Variants in GALNTL6 observed in about 807,000 individuals in gnomAD.
The protein encoded by GALNTL6 is polypeptide N-acetylgalactosaminyltransferase-like 6.
Under a neutral mutation model 73.7 loss-of-function variants are expected in GALNTL6, and 46 were observed. That is an observed-to-expected ratio of 0.62 (90% CI 0.49 to 0.80). The LOEUF (loss-of-function observed/expected upper bound fraction) is 0.80, where lower values mean the gene tolerates loss of function less well. Ranked by LOEUF, GALNTL6 falls within the 30% of genes least tolerant of loss-of-function variation. The probability of loss-of-function intolerance (pLI) is 0.00; values close to 1 mark genes in which losing one functional copy is unlikely to be tolerated. For synonymous variants in GALNTL6, 259 were observed against 263.7 expected (o/e 0.98, Z 0.17); for missense variants, 604 against 755.0 (o/e 0.80, Z 2.34).
chr4:172,368,983 AT>A (rs1742679871), intron 5 of GALNTL6, among the ~76,000 whole-genome samples: 1 of 152,164 alleles, frequency 6.6e-6, no homozygotes, highest in Non-Finnish European at 1.5e-5. Context: ...CAGCAGCAAA[AT>A]TTATTGTGAA....
intron 5 of GALNTL6, among the ~76,000 whole-genome samples, chr4:172,625,197 A>G (rs1205127204): frequency 6.6e-6 from 1 of 151,258 alleles, no homozygotes; most frequent in Non-Finnish European, 1.5e-5. Context: ...ATATTGTTTG[A>G]CTCTTTTACT....
chr4:171,931,495 A>T (rs1236621150), intron 2 of GALNTL6, among the ~76,000 whole-genome samples: 1 of 152,218 alleles, frequency 6.6e-6, no homozygotes, highest in Non-Finnish European at 1.5e-5. Flanking sequence ...GAAATTACAG[A>T]TTTAACATAT....
At chr4:172,599,920 CA>C (rs1044974406) in intron 5 of GALNTL6, among the ~76,000 whole-genome samples, 6 of 151,796 alleles carry the variant, frequency 4.0e-5, no homozygotes, top group Non-Finnish European at 7.4e-5. Flanking sequence ...AAAACAACAG[CA>C]AAAAAGACAA....
rs74327670 is a variant in GALNTL6, at chr4:172,499,662, G to T, written c.553+150973G>T. Among the ~76,000 whole-genome samples the T allele has an allele frequency of 7.5e-3, 1,138 of 152,266 alleles. 17 individuals carry two copies. Among genetic ancestry groups the T allele is most frequent in the African/African-American group, 0.026 (1,069 of 41,554 alleles). On this transcript the variant is annotated intron_variant, in intron 5 of 12. Transcript: ENST00000506823. ...TCAGAAGGTGGAATTAGCTGAAAAAGATTCAAAGCATTGTACAAATGCTTC... is the reference window on the plus strand; with the variant it reads ...TCAGAAGGTGGAATTAGCTGAAAAATATTCAAAGCATTGTACAAATGCTTC...
rs542960916 is a variant in GALNTL6 at position 172,500,575 on chromosome 4, T to A, written c.553+151886T>A. Among the ~76,000 whole-genome samples the A allele has an allele frequency of 2.6e-3, 396 of 152,266 alleles. 3 individuals are homozygous for A. Among genetic ancestry groups the A allele is most frequent in the African/African-American group, 8.6e-3 (359 of 41,556 alleles). On this transcript the variant is annotated intron_variant, in intron 5 of 12. Coordinates refer to ENST00000506823, the MANE Select transcript of GALNTL6 (RefSeq NM_001034845.3). ...AAGTAGCACAATATTTTTCAAATAA[T>A]TTTTTTAAAATCTACCAACTGTGAG...
intron 2 of GALNTL6, among the ~76,000 whole-genome samples, chr4:172,215,662 C>A (rs182617640): frequency 1.4e-4 from 21 of 152,034 alleles, no homozygotes; most frequent in African/African-American, 5.1e-4. Flanking sequence ...GTTTTTATAT[C>A]CACTCTAAAA....
intron 2 of GALNTL6, among the ~76,000 whole-genome samples, chr4:172,113,174 T>C (rs1732901026): frequency 1.3e-5 from 2 of 152,174 alleles, no homozygotes; most frequent in East Asian, 3.9e-4. Context: ...ACATTTTTTA[T>C]GAATTAGCAA....
At chr4:171,863,844 G>A (rs1026322674) in intron 2 of GALNTL6, among the ~76,000 whole-genome samples, 3 of 151,536 alleles carry the variant, frequency 2.0e-5, no homozygotes, top group African/African-American at 4.9e-5. Context: ...TGCAACCTCC[G>A]CCTCCCAGGT....
intron 2 of GALNTL6, among the ~76,000 whole-genome samples, chr4:172,017,667 G>T (rs1741248201): frequency 6.6e-6 from 1 of 152,092 alleles, no homozygotes; most frequent in South Asian, 2.1e-4. Context: ...TGGAACCCAA[G>T]GGCTGTTGTC....
At chr4:172,543,795 T>C (rs1158680836) in intron 5 of GALNTL6, among the ~76,000 whole-genome samples, 1 of 152,244 alleles carries the variant, frequency 6.6e-6, no homozygotes, top group African/African-American at 2.4e-5. Flanking sequence ...GCTACCTCTT[T>C]GCCTTTCTGT....
At chr4:171,833,171 C>A (rs1403943168) in intron 2 of GALNTL6, among the ~76,000 whole-genome samples, 1 of 151,490 alleles carries the variant, frequency 6.6e-6, no homozygotes, top group African/African-American at 2.4e-5. Context: ...AAGCAGCTTT[C>A]TTTTTTATGA....
intron 5 of GALNTL6, among the ~76,000 whole-genome samples, chr4:172,623,548 A>G (rs1028107853): frequency 9.2e-5 from 14 of 152,246 alleles, no homozygotes; most frequent in Admixed American, 3.9e-4. Flanking sequence ...ACCAAATTAC[A>G]TAAGGTACCT....
chr4:172,603,004 A>G (rs1366928722), intron 5 of GALNTL6, among the ~76,000 whole-genome samples: 1 of 152,178 alleles, frequency 6.6e-6, no homozygotes, highest in Non-Finnish European at 1.5e-5. Flanking sequence ...CCATTTAGAT[A>G]AGATTCTAAA....
chr4:173,005,479 G>A (rs1752234506), intron 10 of GALNTL6, among the ~76,000 whole-genome samples: 1 of 152,006 alleles, frequency 6.6e-6, no homozygotes, highest in Non-Finnish European at 1.5e-5. Context: ...GAGGTACAGA[G>A]CCCATGTTGA....
At chr4:172,265,877 C>T (rs908743658) in intron 3 of GALNTL6, among the ~76,000 whole-genome samples, 5 of 151,910 alleles carry the variant, frequency 3.3e-5, no homozygotes, top group Non-Finnish European at 7.4e-5. Flanking sequence ...TTGTGATTTA[C>T]AGCTCAAAAC....
At chr4:171,863,740 T>C (rs1735898848) in intron 2 of GALNTL6, among the ~76,000 whole-genome samples, 1 of 151,898 alleles carries the variant, frequency 6.6e-6, no homozygotes. Context: ...ATAATGATAA[T>C]ACCTGAGGAG....
chr4:173,014,950 C>T (rs758497980), intron 11 of GALNTL6, among the ~76,000 whole-genome samples: 1 of 152,154 alleles, frequency 6.6e-6, no homozygotes, highest in Non-Finnish European at 1.5e-5. Context: ...ATGGGAGGGA[C>T]CCAGTGGGAG....
intron 2 of GALNTL6, among the ~76,000 whole-genome samples, chr4:171,980,439 G>A (rs1055641892): frequency 1.3e-5 from 2 of 152,138 alleles, no homozygotes; most frequent in Admixed American, 6.5e-5. Flanking sequence ...AGAGGAGATG[G>A]AGAAATGAAG....
intron 2 of GALNTL6, among the ~76,000 whole-genome samples, chr4:172,211,522 A>G (rs1232221651): frequency 6.6e-6 from 1 of 152,146 alleles, no homozygotes; most frequent in Non-Finnish European, 1.5e-5. Flanking sequence ...ACCATCACCT[A>G]TCCATTTACT....
Sources: allele counts gnomAD v4.1 joint callset (sites outside exome capture counted in the v4.1 genomes callset), GRCh38; gene constraint gnomAD v4.1.1; transcripts MANE v1.5; gene names NCBI Gene and HGNC (gene_info 2026-07-23, HGNC 2026-07-21).